API5: variants seen among roughly 807,000 people sequenced by gnomAD.
API5 encodes apoptosis inhibitor 5.
Under a neutral mutation model 71.9 loss-of-function variants are expected in API5, and 6 were observed. That is an observed-to-expected ratio of 0.08 (90% CI 0.05 to 0.16). The LOEUF (loss-of-function observed/expected upper bound fraction) is 0.16, where lower values mean the gene tolerates loss of function less well. API5 is among the 10% of genes least tolerant of loss of function. The pLI, the probability that API5 is intolerant of heterozygous loss-of-function variation, is 1.00. For synonymous variants in API5, 189 were observed against 221.3 expected (o/e 0.85, Z 1.30); for missense variants, 332 against 612.8 (o/e 0.54, Z 4.84).
chr11:43,327,964 G>A, intron 8 of API5, 86 bp downstream of exon 8: 1 of 795,414 alleles, frequency 1.3e-6, no homozygotes, highest in Non-Finnish European at 1.8e-6. Context: ...ACAAGAACCA[G>A]TTTTTGAAAT....
chr11:43,323,406 T>TA (rs779629582), intron 5 of API5, 24 bp from the exon 6 acceptor site: 5 of 1,579,062 alleles, frequency 3.2e-6, no homozygotes, highest in Non-Finnish European at 4.4e-6. Context: ...AACATACTCT[T>TA]ATTCTGAATT....
chr11:43,323,270 C>T (rs1484638171), intron 5 of API5, among the ~76,000 whole-genome samples, 160 bp from the exon 6 acceptor site: 1 of 152,176 alleles, frequency 6.6e-6, no homozygotes, highest in Non-Finnish European at 1.5e-5. Flanking sequence ...CACTGAAGCT[C>T]AATTGACTGA....
At chr11:43,312,737 G>A (rs1396625162) in intron 1 of API5, among the ~76,000 whole-genome samples, 1 of 152,054 alleles carries the variant, frequency 6.6e-6, no homozygotes, top group Non-Finnish European at 1.5e-5. Flanking sequence ...TTTTTTGAGT[G>A]CCGAGCGCTG....
chr11:43,328,203 G>A (rs182977385), intron 8 of API5, among the ~76,000 whole-genome samples: 2 of 152,260 alleles, frequency 1.3e-5, no homozygotes, highest in African/African-American at 2.4e-5. Flanking sequence ...TCTGGCACTC[G>A]TCCAGATGTA....
chr11:43,337,007 C>CAAAAAA (rs559170436), intron 13 of API5, among the ~76,000 whole-genome samples: 25 of 66,702 alleles, frequency 3.7e-4, no homozygotes, highest in East Asian at 5.6e-4. Context: ...GACTCCGTCT[C>CAAAAAA]AAAAAAAAAA....
chr11:43,324,706 C>T (rs1030742493), intron 6 of API5, among the ~76,000 whole-genome samples: 5 of 152,042 alleles, frequency 3.3e-5, no homozygotes, highest in Non-Finnish European at 7.3e-5. Flanking sequence ...GAGACAGAGT[C>T]TCGCTCCATC....
At chr11:43,340,285 T>TA in intron 13 of API5, 1 of 287,810 alleles carries the variant, frequency 3.5e-6, no homozygotes, top group Non-Finnish European at 6.7e-6. Flanking sequence ...TTGAAGGAGA[T>TA]ACAAACAAAT....
chr11:43,318,218 A>G (rs1161907321), intron 1 of API5, among the ~76,000 whole-genome samples: 1 of 151,618 alleles, frequency 6.6e-6, no homozygotes, highest in Non-Finnish European at 1.5e-5. Flanking sequence ...CATGTTGGCC[A>G]AGCTAGTCTT....
rs75140327 is a variant in API5 at position 43,319,457 on chromosome 11, G to T, written c.231+656G>T. Among the ~76,000 whole-genome samples the T allele has an allele frequency of 6.5e-3, 996 of 152,206 alleles. 13 individuals are homozygous for T. Among genetic ancestry groups the T allele is most frequent in the African/African-American group, 0.023 (942 of 41,524 alleles). On this transcript the variant is annotated intron_variant, in intron 2 of 13. Coordinates refer to ENST00000531273, the MANE Select transcript of API5 (RefSeq NM_001142930.2). Reference sequence around the variant, plus strand: ...TTTTTGCTTTTTTAATAGAAACAGGGTTTCACTCTGTTGCCTAGACCAGAG... The same window carrying T: ...TTTTTGCTTTTTTAATAGAAACAGGTTTTCACTCTGTTGCCTAGACCAGAG...
At chr11:43,336,126 T>C (rs996793534) in intron 13 of API5, 132 bp downstream of exon 13, 7 of 1,212,710 alleles carry the variant, frequency 5.8e-6, no homozygotes, top group Admixed American at 2.6e-5. Flanking sequence ...CTTGGAGAAC[T>C]AGGGCTGTTG....
chr11:43,332,274 G>A (rs1378890323), intron 11 of API5, among the ~76,000 whole-genome samples: 1 of 152,042 alleles, frequency 6.6e-6, no homozygotes, highest in Non-Finnish European at 1.5e-5. Flanking sequence ...ATACTAGCTG[G>A]GTGTCCTCCA....
At chr11:43,329,745 C>T (rs998106803) in intron 9 of API5, among the ~76,000 whole-genome samples, 6 of 152,154 alleles carry the variant, frequency 3.9e-5, no homozygotes, top group African/African-American at 7.2e-5. Context: ...AATGCTTGAG[C>T]CATGTGTTAC....
At position 43,344,419 on chromosome 11, in the gene API5, T is replaced by G. The variant is rs533049068; in HGVS notation, c.*1909T>G. ...GGTTATTTTTGCTTCCGAATTTGAA[T>G]GAAAAACTTAATGCCATGGATTTTT... On this transcript the variant is annotated 3_prime_UTR_variant, in exon 14 of 14. Transcript: ENST00000531273. 32 of 152,768 alleles carry G rather than the reference T, an allele frequency of 2.1e-4. No individual in the cohort carries two copies. The highest frequency in any genetic ancestry group is 7.5e-4 in the African/African-American group (31 of 41,582). The allele number at this position is 152,768 out of a possible 1,614,324, so 9.5% of individuals were successfully genotyped here. A position where few individuals can be genotyped will look rare whatever the true frequency, so the allele number is the denominator to read the frequency against.
Position 43,330,754 on chromosome 11 carries a change from G to C in API5, c.1278+190G>C, listed in dbSNP as rs151123795. On this transcript the variant is annotated intron_variant, in intron 11 of 13. Transcript: ENST00000531273. ...TAAGTTCTAGTGGTCTTAATTAGCTGTTGGGTTCTTTTGAATGTCCAGTAA... is the reference window on the plus strand; with the variant it reads ...TAAGTTCTAGTGGTCTTAATTAGCTCTTGGGTTCTTTTGAATGTCCAGTAA... Among the ~76,000 whole-genome samples the C allele has an allele frequency of 9.7e-4, 148 of 152,282 alleles. 1 individual carries two copies. Among genetic ancestry groups the C allele is most frequent in the African/African-American group, 3.4e-3 (143 of 41,542 alleles).
chr11:43,326,465 T>C, intron 6 of API5, 42 bp from the exon 7 acceptor site: 1 of 1,211,922 alleles, frequency 8.3e-7, no homozygotes, highest in Non-Finnish European at 1.2e-6. Flanking sequence ...TTTGAGCGAA[T>C]ATTTGTTTTT....
chr11:43,336,615 C>A (rs562260272), intron 13 of API5, among the ~76,000 whole-genome samples: 1 of 152,282 alleles, frequency 6.6e-6, no homozygotes, highest in East Asian at 1.9e-4. Flanking sequence ...GCTGTCGAAT[C>A]AAAAGTAAAG....
intron 13 of API5, among the ~76,000 whole-genome samples, chr11:43,338,515 TA>T (rs139789613): frequency 1.7e-4 from 26 of 148,818 alleles, no homozygotes; most frequent in Admixed American, 3.4e-4. Flanking sequence ...AGCAGTGAAT[TA>T]AAAAAAAAAT....
At chr11:43,336,056 T>C (rs1225692928) in intron 13 of API5, 62 bp downstream of exon 13, 4 of 1,572,004 alleles carry the variant, frequency 2.5e-6, no homozygotes, top group Non-Finnish European at 3.5e-6. Context: ...TGTTATACTT[T>C]ATTTTAATTA....
chr11:43,312,192 G>A lies in API5; in HGVS notation c.65G>A (p.Gly22Asp). The change falls in exon 1 of 14, where the codon GGC becomes GAC. Residue 22 changes from glycine (G) to aspartate (D), a missense_variant. Transcript: ENST00000531273. ...CTGGCCGATGCCACGGAGCAAGTGG[G>A]CCAGGTGAGTTGAGTCCCCGGGCGG... ...GILADATEQV[G>D]QHKDAYQVIL... is the part of the protein sequence containing the mutation. 1.2e-6 allele frequency: 2 copies of A among 1,613,788 alleles called. No individual in the cohort carries two copies. The highest frequency in any genetic ancestry group is 1.7e-6 in the Non-Finnish European group (2 of 1,179,808).
Sources: gnomAD v4.1 joint callset for allele counts (sites outside exome capture counted in the v4.1 genomes callset) on GRCh38, gnomAD v4.1.1 for gene constraint, MANE v1.5 for transcripts, NCBI Gene and HGNC (gene_info 2026-07-23, HGNC 2026-07-21) for gene names.